Variants in WARS2 observed in about 807,000 individuals in gnomAD.
WARS2 encodes tryptophan--tRNA ligase, mitochondrial.
Under a neutral mutation model 36.5 loss-of-function variants are expected in WARS2, and 28 were observed. The ratio of observed to expected loss-of-function variants is 0.77; its 90% CI spans 0.57 to 1.05. The LOEUF (loss-of-function observed/expected upper bound fraction) is 1.05, where lower values mean the gene tolerates loss of function less well. Ranked by LOEUF, WARS2 falls within the 50% of genes least tolerant of loss-of-function variation. The probability of loss-of-function intolerance (pLI) is 0.00; values close to 1 mark genes in which losing one functional copy is unlikely to be tolerated. For synonymous variants in WARS2, 174 were observed against 178.4 expected (o/e 0.98, Z 0.20); for missense variants, 435 against 456.8 (o/e 0.95, Z 0.44).
intron 2 of WARS2, among the ~76,000 whole-genome samples, chr1:119,053,214 T>TA (rs1649512536): frequency 6.6e-6 from 1 of 151,722 alleles, no homozygotes; most frequent in Admixed American, 6.6e-5. Flanking sequence ...AATTTTTTTT[T>TA]AAAAAAGAAG....
intron 1 of WARS2, among the ~76,000 whole-genome samples, chr1:119,135,799 TGTTGG>T (rs1656466405): frequency 1.3e-5 from 2 of 152,132 alleles, no homozygotes. Flanking sequence ...TTTTTTTGTT[TGTTGG>T]TTTTTCAGAC....
At chr1:119,064,787 G>T (rs1454663227) in intron 2 of WARS2, 1 of 152,412 alleles carries the variant, frequency 6.6e-6, no homozygotes, top group Admixed American at 6.6e-5. Flanking sequence ...TTTCTTCCCA[G>T]TCTCGGGTAT....
At chr1:119,111,769 C>T (rs1654652808) in intron 1 of WARS2, among the ~76,000 whole-genome samples, 1 of 152,106 alleles carries the variant, frequency 6.6e-6, no homozygotes, top group African/African-American at 2.4e-5. Context: ...GTCACTGGTT[C>T]CTAGGGAGGT....
chr1:119,043,402 C>A (rs2101124039), intron 3 of WARS2, among the ~76,000 whole-genome samples: 1 of 152,302 alleles, frequency 6.6e-6, no homozygotes, highest in East Asian at 1.9e-4. Context: ...GATACCCCTA[C>A]CAAGGTGCAG....
chr1:119,082,762 G>A (rs1422453630), intron 1 of WARS2, among the ~76,000 whole-genome samples: 1 of 152,164 alleles, frequency 6.6e-6, no homozygotes, highest in African/African-American at 2.4e-5. Flanking sequence ...GAACTCCAGT[G>A]CTCTGGCCAC....
At chr1:119,085,215 T>C (rs1652537075) in intron 1 of WARS2, 5 of 835,300 alleles carry the variant, frequency 6.0e-6, no homozygotes, top group South Asian at 4.0e-5. Context: ...TGAGGACCTG[T>C]GCTCGTGCTT....
intron 1 of WARS2, among the ~76,000 whole-genome samples, chr1:119,137,967 T>TA (rs369508447): frequency 2.0e-5 from 3 of 152,238 alleles, no homozygotes; most frequent in South Asian, 2.1e-4. Flanking sequence ...CTTTATTAGT[T>TA]AGAGTTTCTA....
At chr1:119,084,390 A>T (rs927180060) in intron 1 of WARS2, among the ~76,000 whole-genome samples, 1 of 152,214 alleles carries the variant, frequency 6.6e-6, no homozygotes, top group Non-Finnish European at 1.5e-5. Flanking sequence ...GATGTTTAGT[A>T]CCAAATGTCA....
chr1:119,047,768 G>A (rs1171945978), intron 2 of WARS2, among the ~76,000 whole-genome samples: 1 of 152,118 alleles, frequency 6.6e-6, no homozygotes, highest in Non-Finnish European at 1.5e-5. Context: ...TTTATGCTGT[G>A]AAACCAAAAA....
rs1571246000 is a variant in WARS2 at position 119,032,941 on chromosome 1, C to T, written c.1053G>A (p.Gln351=). 2 of 1,613,752 alleles carry T rather than the reference C, an allele frequency of 1.2e-6. No individual in the cohort carries two copies. The highest frequency in any genetic ancestry group is 1.7e-6 in the Non-Finnish European group (2 of 1,179,640). ...KAKELAYTVC[Q]EVKKLVGFL ...GAAAACCCACCAATTTCTTCACCTC[C>T]TGGCACACAGTGTATGCTAATTCTT... The change falls in exon 6 of 6, where the codon CAG becomes CAA. Residue 351 remains glutamine (Q), a synonymous_variant. Transcript: ENST00000235521.
chr1:119,073,782 T>C (rs1651509176), intron 2 of WARS2, among the ~76,000 whole-genome samples: 1 of 152,220 alleles, frequency 6.6e-6, no homozygotes, highest in African/African-American at 2.4e-5. Flanking sequence ...AAGTTCCACA[T>C]GGAAGAACAT....
intron 2 of WARS2, chr1:119,063,727 G>A (rs564532603): frequency 2.6e-5 from 4 of 152,332 alleles, no homozygotes; most frequent in African/African-American, 9.6e-5. Flanking sequence ...CTTCCATGTG[G>A]TGTTGAGCCT....
intron 1 of WARS2, among the ~76,000 whole-genome samples, chr1:119,114,560 C>A (rs1654847787): frequency 6.6e-6 from 1 of 152,158 alleles, no homozygotes; most frequent in African/African-American, 2.4e-5. Flanking sequence ...GTAAACAACA[C>A]CCCTTAGCAA....
chr1:119,064,289 T>C (rs1211318221), intron 2 of WARS2: 3 of 152,230 alleles, frequency 2.0e-5, no homozygotes, highest in South Asian at 2.1e-4. Context: ...TGTACCTCCA[T>C]TGTATCTGGG....
intron 2 of WARS2, among the ~76,000 whole-genome samples, chr1:119,060,908 A>T (rs1036152340): frequency 1.6e-4 from 24 of 152,296 alleles, no homozygotes; most frequent in African/African-American, 5.5e-4. Context: ...CTTATATTCT[A>T]TGTATTAACT....
intron 2 of WARS2, among the ~76,000 whole-genome samples, chr1:119,070,404 C>T (rs1557958857): frequency 6.6e-6 from 1 of 151,826 alleles, no homozygotes; most frequent in Non-Finnish European, 1.5e-5. Flanking sequence ...TAGCTGGGAC[C>T]ACAGGCGTGC....
intron 1 of WARS2, among the ~76,000 whole-genome samples, chr1:119,095,957 T>C (rs928320234): frequency 8.1e-6 from 1 of 124,144 alleles, no homozygotes; most frequent in Non-Finnish European, 1.7e-5. Flanking sequence ...TCTAAATTTT[T>C]ACCATCACAT....
chr1:119,086,746 A>G (rs1299055138), intron 1 of WARS2, among the ~76,000 whole-genome samples: 3 of 152,224 alleles, frequency 2.0e-5, no homozygotes, highest in Non-Finnish European at 4.4e-5. Flanking sequence ...AATATCACAT[A>G]TACTGACTTA....
intron 1 of WARS2, among the ~76,000 whole-genome samples, chr1:119,080,936 T>C (rs1357227702): frequency 1.3e-5 from 2 of 152,202 alleles, no homozygotes; most frequent in African/African-American, 2.4e-5. Flanking sequence ...CATCACAGTA[T>C]GCAGAGGATT....
Sources: gnomAD v4.1 joint callset for allele counts (sites outside exome capture counted in the v4.1 genomes callset) on GRCh38, gnomAD v4.1.1 for gene constraint, MANE v1.5 for transcripts, NCBI Gene and HGNC (gene_info 2026-07-23, HGNC 2026-07-21) for gene names.